DOCK8: variants seen among roughly 807,000 people sequenced by gnomAD.
DOCK8 encodes the protein dedicator of cytokinesis protein 8.
Under a neutral mutation model 245.6 loss-of-function variants are expected in DOCK8, and 141 were observed. The observed-to-expected ratio is 0.57, with a 90% CI of 0.50 to 0.66. The LOEUF is 0.66. Among genes scored for constraint, DOCK8 ranks in the 30% least tolerant of loss-of-function variants. DOCK8 has a pLI of 0.00. For missense variants in DOCK8, 2,965 were observed against 2,603.4 expected (o/e 1.14, Z -3.02); for synonymous variants, 1,168 against 970.2 (o/e 1.20, Z -3.79).
At chr9:400,653 C>T (rs1157289546) in intron 26 of DOCK8, among the ~76,000 whole-genome samples, 16 of 127,202 alleles carry the variant, frequency 1.3e-4, no homozygotes, top group Non-Finnish European at 1.6e-4. Flanking sequence ...ATCACCACCA[C>T]CTCCACCACC....
chr9:366,715 TA>T (rs1237632050), intron 14 of DOCK8, among the ~76,000 whole-genome samples: 1 of 151,434 alleles, frequency 6.6e-6, no homozygotes, highest in African/African-American at 2.5e-5. Context: ...GTAACCTGTT[TA>T]TCTCGCTTTG....
chr9:273,190 G>A, intron 2 of DOCK8: 1 of 917,802 alleles, frequency 1.1e-6, no homozygotes, highest in Non-Finnish European at 1.3e-6. Context: ...AAAACCTATA[G>A]CATCTTTTAC....
intron 14 of DOCK8, among the ~76,000 whole-genome samples, chr9:361,600 G>T (rs2052733662): frequency 6.6e-6 from 1 of 152,044 alleles, no homozygotes; most frequent in African/African-American, 2.4e-5. Context: ...CTAATCACAA[G>T]TCTCCATAAA....
In DOCK8 at chr9:399,277, C is replaced by G. The variant is rs545188308; in HGVS notation, c.3234+18C>G. On this transcript the variant is annotated intron_variant, in intron 26 of 47. Transcript: ENST00000432829. ...GCAGCCAGGTGAGTGTCCCCCCCACCCCCACCCCCGAGCGAGCCACTTGGT... is the reference window on the plus strand; with the variant it reads ...GCAGCCAGGTGAGTGTCCCCCCCACGCCCACCCCCGAGCGAGCCACTTGGT... The G allele has an allele frequency of 1.3e-6, 2 of 1,497,612 alleles. No individual in the cohort carries two copies. The highest frequency in any genetic ancestry group is 5.2e-5 in the East Asian group (2 of 38,186). 92.8% of individuals were successfully genotyped at this position (1,497,612 alleles called of 1,614,324 possible).
chr9:215,091 A>T (rs772847487), intron 1 of DOCK8, 62 bp downstream of exon 1: 31 of 1,520,248 alleles, frequency 2.0e-5, no homozygotes, highest in East Asian at 2.6e-5. Flanking sequence ...TGTGAAGCGG[A>T]GCTTCGCTGC....
chr9:286,565 T>G lies in DOCK8; in HGVS notation c.261T>G (p.Thr87=). The part of the protein sequence containing the change: ...VQLAQELGDF[T]DDDLDVVFTP... Reference sequence around the variant, plus strand: ...TTGCCCAGGAGCTCGGGGACTTCACTGATGACGACTTGGACGTGGTGTTCA... The same window carrying G: ...TTGCCCAGGAGCTCGGGGACTTCACGGATGACGACTTGGACGTGGTGTTCA... Residue 87 remains threonine, a synonymous_variant, in exon 3 of 48, where the codon ACT becomes ACG. Coordinates refer to ENST00000432829, the MANE Select transcript of DOCK8 (RefSeq NM_203447.4). The G allele has an allele frequency of 1.2e-6, 2 of 1,613,976 alleles. No individual in the cohort carries two copies. The highest frequency in any genetic ancestry group is 1.7e-6 in the Non-Finnish European group (2 of 1,179,934).
At chr9:217,001 T>C (rs1444880001) in intron 1 of DOCK8, among the ~76,000 whole-genome samples, 1 of 152,144 alleles carries the variant, frequency 6.6e-6, no homozygotes, top group African/African-American at 2.4e-5. Flanking sequence ...ATGTGCCAAG[T>C]AGAGTTGATC....
chr9:254,112 T>C (rs1026251009), intron 1 of DOCK8, among the ~76,000 whole-genome samples: 1 of 152,204 alleles, frequency 6.6e-6, no homozygotes, highest in Non-Finnish European at 1.5e-5. Flanking sequence ...AACCCTGATA[T>C]TGACAGTAAG....
chr9:253,279 A>G (rs1161020196), intron 1 of DOCK8, among the ~76,000 whole-genome samples: 2 of 152,210 alleles, frequency 1.3e-5, no homozygotes, highest in African/African-American at 4.8e-5. Context: ...TGATCTTTCA[A>G]TCGAACTAAA....
chr9:447,085 T>G (rs1475604046), intron 44 of DOCK8, among the ~76,000 whole-genome samples: 1 of 152,188 alleles, frequency 6.6e-6, no homozygotes, highest in African/African-American at 2.4e-5. Context: ...GTTCACTGAC[T>G]AGCTTCTAGT....
chr9:283,381 T>G (rs1369215079), intron 2 of DOCK8, among the ~76,000 whole-genome samples: 2 of 152,320 alleles, frequency 1.3e-5, no homozygotes, highest in East Asian at 3.9e-4. Flanking sequence ...GTCAAAACAT[T>G]GTTTCATACA....
At chr9:262,499 G>T (rs1054047494) in intron 1 of DOCK8, among the ~76,000 whole-genome samples, 7 of 94,076 alleles carry the variant, frequency 7.4e-5, no homozygotes, top group Admixed American at 2.3e-4. Flanking sequence ...TATAATAAAA[G>T]GGAGTAAACT....
chr9:420,342 A>G, intron 30 of DOCK8, 59 bp from the exon 31 acceptor site: 1 of 1,601,110 alleles, frequency 6.2e-7, no homozygotes, highest in Non-Finnish European at 8.5e-7. Flanking sequence ...TTAAGCCTCA[A>G]ATTTTTCTGT....
intron 1 of DOCK8, among the ~76,000 whole-genome samples, chr9:239,114 A>T (rs185905645): frequency 3.8e-4 from 58 of 152,336 alleles, no homozygotes; most frequent in African/African-American, 1.4e-3. Context: ...CATCAATGTT[A>T]TAACTAAATG....
intron 22 of DOCK8, 62 bp downstream of exon 22, chr9:382,747 G>C: frequency 6.3e-7 from 1 of 1,583,530 alleles, no homozygotes; most frequent in South Asian, 1.1e-5. Flanking sequence ...ACTAAAACTT[G>C]GAGAAGTAAC....
At chr9:362,610 C>T (rs2131131719) in intron 14 of DOCK8, among the ~76,000 whole-genome samples, 2 of 152,308 alleles carry the variant, frequency 1.3e-5, no homozygotes, top group East Asian at 3.9e-4. Flanking sequence ...AGCCCTCTTT[C>T]CTTCTCTCCT....
At chr9:433,844 A>T in intron 37 of DOCK8, 31 bp from the exon 38 acceptor site, 1 of 1,553,662 alleles carries the variant, frequency 6.4e-7, no homozygotes. Context: ...CTACAAAGCT[A>T]AGATTATTTT....
intron 35 of DOCK8, among the ~76,000 whole-genome samples, chr9:429,144 A>G (rs12340831): frequency 6.6e-6 from 1 of 151,848 alleles, no homozygotes; most frequent in Admixed American, 6.6e-5. Flanking sequence ...TTTTTGTATT[A>G]TTAGTAGAGA....
chr9:328,092 C>T lies in DOCK8; in HGVS notation c.965C>T (p.Ser322Leu), dbSNP rs1212097357. 2 of 1,614,214 alleles carry T rather than the reference C, an allele frequency of 1.2e-6. No homozygotes were observed. Among genetic ancestry groups the T allele is most frequent in the African/African-American group, 1.3e-5 (1 of 75,078 alleles). Residue 322 changes from serine (S) to leucine (L), a missense_variant, in exon 9 of 48, where the codon TCA becomes TTA. Transcript: ENST00000432829. The stretch of plus-strand genomic sequence containing the variant: ...GGATTTCTGCGAGCTCACACGCCTT[C>T]AGTGGCCGCATCAAGTCAGGCGAGA... ...FKGFLRAHTPSVAASSQARSA... is the reference protein window; with the variant it reads ...FKGFLRAHTPLVAASSQARSA...
Sources: allele counts gnomAD v4.1 joint callset (sites outside exome capture counted in the v4.1 genomes callset), GRCh38; gene constraint gnomAD v4.1.1; transcripts MANE v1.5; gene names NCBI Gene and HGNC (gene_info 2026-07-23, HGNC 2026-07-21).